The following SUPT7L variants were observed in gnomAD, a reference collection of about 807,000 sequenced individuals.
The protein encoded by SUPT7L is STAGA complex 65 subunit gamma.
Under a neutral mutation model 35.7 loss-of-function variants are expected in SUPT7L, and 15 were observed. The observed-to-expected ratio is 0.42, with a 90% CI of 0.28 to 0.65. The LOEUF (loss-of-function observed/expected upper bound fraction) is 0.65. SUPT7L is among the 30% of genes least tolerant of loss of function. The probability of loss-of-function intolerance (pLI) is 0.23; values close to 1 mark genes in which losing one functional copy is unlikely to be tolerated. For missense variants in SUPT7L, 434 were observed against 522.2 expected (o/e 0.83, Z 1.65); for synonymous variants, 168 against 186.2 (o/e 0.90, Z 0.79).
At position 27,663,531 on chromosome 2, in the gene SUPT7L, G is replaced by A. The variant is rs959566278; in HGVS notation, c.-292C>T. On this transcript the variant is annotated 5_prime_UTR_variant, in exon 1 of 6. Transcript: ENST00000337768. ...ACTATTCACTGCTGCGTCGCAGAGC[G>A]GGCTGGGCGGCTGTCTGGACCTCGA... is the stretch of plus-strand genomic sequence containing the variant. 2.2e-5 allele frequency: 12 copies of A among 539,572 alleles called. No individual in the cohort carries two copies. Among genetic ancestry groups the A allele is most frequent in the African/African-American group, 2.1e-4 (11 of 52,532 alleles). The allele number at this position is 539,572 out of a possible 1,614,324, so 33.4% of individuals were successfully genotyped here. A position where few individuals can be genotyped will look rare whatever the true frequency, so the allele number is the denominator to read the frequency against.
At chr2:27,661,710 T>C in intron 2 of SUPT7L, 1 of 958,842 alleles carries the variant, frequency 1.0e-6, no homozygotes, top group Non-Finnish European at 1.4e-6. Context: ...AGTGGACCAA[T>C]AGCTACAACA....
At chr2:27,654,530 G>A (rs1000672937) in intron 5 of SUPT7L, among the ~76,000 whole-genome samples, 11 of 152,134 alleles carry the variant, frequency 7.2e-5, no homozygotes, top group African/African-American at 2.7e-4. Context: ...TAATCACAGA[G>A]TCTGGAAAAA....
chr2:27,658,283 T>C (rs1335220604), intron 3 of SUPT7L, among the ~76,000 whole-genome samples: 2 of 152,192 alleles, frequency 1.3e-5, no homozygotes, highest in African/African-American at 4.8e-5. Context: ...TGTATTATTA[T>C]TATTTCTATT....
At chr2:27,649,343 G>A (rs1021182287), downstream of SUPT7L, among the ~76,000 whole-genome samples, 2 of 151,792 alleles carry the variant, frequency 1.3e-5, no homozygotes, top group African/African-American at 4.8e-5. Context: ...TCTTTAGGCT[G>A]GGTTTTACAT....
At position 27,652,422 on chromosome 2, in the gene SUPT7L, C is replaced by G. The variant is rs1339845749; in HGVS notation, c.*1063G>C. On this transcript the variant is annotated 3_prime_UTR_variant, in exon 6 of 6. Transcript: ENST00000337768. The stretch of plus-strand genomic sequence containing the variant: ...AATCAAACTTCAGCAGTTTAACATG[C>G]TGGCATCCATCACCAAGGCATGAAG... 6 of 152,346 alleles carry G rather than the reference C, an allele frequency of 3.9e-5. No homozygotes were observed. Among genetic ancestry groups the G allele is most frequent in the Admixed American group, 2.6e-4 (4 of 15,282 alleles). The allele number at this position is 152,346 out of a possible 1,614,324, so 9.4% of individuals were successfully genotyped here. A position where few individuals can be genotyped will look rare whatever the true frequency, so the allele number is the denominator to read the frequency against.
At position 27,657,661 on chromosome 2, in the gene SUPT7L, C is replaced by A. The variant is rs765035299; in HGVS notation, c.428G>T (p.Gly143Val). 3.7e-6 allele frequency: 6 copies of A among 1,610,856 alleles called. No homozygotes were observed. The South Asian group carries it at 6.6e-5, about 18-fold the overall frequency. ...CCAGCTGAGTTCAGTCACAGGTTCC[C>A]CTTTCCCACTGAAAGTGGAGATACG... ...DPESDFYRGK[G>V]EPVTELSWHS... The change falls in exon 4 of 6, where the codon GGG (glycine) becomes GTG (valine). Residue 143 changes from glycine (G) to valine (V), a missense_variant. Transcript: ENST00000337768. The surrounding 1 kb of genome is among the most constrained non-coding windows in gnomAD (Gnocchi z 5.2).
At chr2:27,654,845 C>T (rs541502864) in intron 5 of SUPT7L, among the ~76,000 whole-genome samples, 2 of 152,084 alleles carry the variant, frequency 1.3e-5, no homozygotes, top group African/African-American at 2.4e-5. Flanking sequence ...AGATTACAGG[C>T]GTGAGCCACT....
chr2:27,661,478 G>C (rs1675108387), intron 2 of SUPT7L, 90 bp from the exon 3 acceptor site: 5 of 1,563,798 alleles, frequency 3.2e-6, no homozygotes, highest in Non-Finnish European at 4.3e-6. Context: ...GGCAACTTTA[G>C]ATTATAGGCT....
downstream of SUPT7L, chr2:27,647,858 C>A (rs183265783): frequency 2.4e-4 from 392 of 1,612,230 alleles, 4 homozygotes; most frequent in Admixed American, 6.4e-3. Flanking sequence ...CTGTGCTGCA[C>A]CCTTCTGATT....
chr2:27,662,045 C>G, intron 2 of SUPT7L, 134 bp downstream of exon 2: 2 of 1,199,974 alleles, frequency 1.7e-6, no homozygotes, highest in Non-Finnish European at 2.4e-6. Context: ...CTTTGTATGT[C>G]ATCTATTCTC....
At chr2:27,649,268 CAAAA>C (rs996492260), downstream of SUPT7L, among the ~76,000 whole-genome samples, 44 of 150,508 alleles carry the variant, frequency 2.9e-4, 1 homozygote, top group African/African-American at 1.0e-3. Context: ...AACAAACAAA[CAAAA>C]AAACACGAAA....
At chr2:27,662,367 C>G (rs142744275) in intron 1 of SUPT7L, 86 bp from the exon 2 acceptor site, 1 of 641,820 alleles carries the variant, frequency 1.6e-6, no homozygotes, top group African/African-American at 1.8e-5. Context: ...ACCTGGGGTA[C>G]TGGAAGCACA....
chr2:27,656,602 C>G (rs983552078), intron 4 of SUPT7L, among the ~76,000 whole-genome samples: 1 of 151,180 alleles, frequency 6.6e-6, no homozygotes, highest in Admixed American at 6.6e-5. Context: ...GCTTGAGAGG[C>G]TGAGGCAGGA....
chr2:27,654,286 ATCTC>A (rs535387182), intron 5 of SUPT7L, among the ~76,000 whole-genome samples: 4 of 152,184 alleles, frequency 2.6e-5, no homozygotes, highest in South Asian at 2.1e-4. Flanking sequence ...TGGCCCTCGC[ATCTC>A]TCTATGTATT....
chr2:27,661,555 A>G, intron 2 of SUPT7L, 167 bp from the exon 3 acceptor site: 1 of 1,433,920 alleles, frequency 7.0e-7, no homozygotes, highest in South Asian at 1.5e-5. Flanking sequence ...GTGACCACTT[A>G]GAAAAATGTC....
Position 27,652,228 on chromosome 2 carries a change from T to C in SUPT7L, c.*1257A>G, listed in dbSNP as rs956225836. On this transcript the variant is annotated 3_prime_UTR_variant, in exon 6 of 6. Transcript: ENST00000337768. ...AGAGAAATGTGCTAAAGAGTTACAA[T>C]TGGCAAATTTAAAATTATATGTTAA... The C allele has an allele frequency of 2.0e-5, 3 of 152,270 alleles. No individual in the cohort carries two copies. Among genetic ancestry groups the C allele is most frequent in the African/African-American group, 7.2e-5 (3 of 41,454 alleles). 9.4% of individuals were successfully genotyped at this position (152,270 alleles called of 1,614,324 possible).
At chr2:27,659,374 A>G (rs1674948163) in intron 3 of SUPT7L, among the ~76,000 whole-genome samples, 1 of 152,226 alleles carries the variant, frequency 6.6e-6, no homozygotes, top group South Asian at 2.1e-4. Context: ...AACATATAAT[A>G]TCACTTCTGT....
downstream of SUPT7L, chr2:27,647,802 G>C: frequency 8.2e-7 from 1 of 1,218,266 alleles, no homozygotes; most frequent in East Asian, 2.3e-5. Context: ...ACCTTTTTGA[G>C]GAGGCATATC....
At chr2:27,646,030 T>C (rs866180024), downstream of SUPT7L, among the ~76,000 whole-genome samples, 1 of 151,410 alleles carries the variant, frequency 6.6e-6, no homozygotes, top group South Asian at 2.1e-4. Flanking sequence ...GTACCCAGCT[T>C]GAAATTTATG....
Sources: gnomAD v4.1 joint callset for allele counts (sites outside exome capture counted in the v4.1 genomes callset) on GRCh38, gnomAD v4.1.1 for gene constraint, Gnocchi (gnomAD v3.1) non-coding constraint, MANE v1.5 for transcripts, NCBI Gene and HGNC (gene_info 2026-07-23, HGNC 2026-07-21) for gene names.